The following SIGLEC1 variants were observed in gnomAD, a reference collection of about 807,000 sequenced individuals.
SIGLEC1 encodes sialoadhesin.
In SIGLEC1, 132 loss-of-function variants were observed where a neutral mutation model predicts 148.0. That is an observed-to-expected ratio of 0.89 (90% CI 0.77 to 1.03). The LOEUF is 1.03. Ranked by LOEUF, SIGLEC1 falls within the 50% of genes least tolerant of loss-of-function variation. The probability of loss-of-function intolerance (pLI) is 0.00; values close to 1 mark genes in which losing one functional copy is unlikely to be tolerated. For missense variants in SIGLEC1, 2,253 were observed against 2,271.4 expected (o/e 0.99, Z 0.16); for synonymous variants, 945 against 969.0 (o/e 0.98, Z 0.46).
chr20:3,693,111 G>A lies in SIGLEC1; in HGVS notation c.3529C>T (p.Leu1177=). The change falls in exon 15 of 22, where the codon CTG becomes TTG. Residue 1177 remains leucine (L), a synonymous_variant. Transcript: ENST00000344754. The part of the protein sequence containing the change: ...DVLYAPRNLR[L]TYLLESHGGQ... ...CCATGGCTCTCCAGGAGGTAGGTCAGGCGCAGGTTGCGGGGCGCGTCTGCA... is the reference window on the plus strand; with the variant it reads ...CCATGGCTCTCCAGGAGGTAGGTCAAGCGCAGGTTGCGGGGCGCGTCTGCA... 1.3e-6 allele frequency: 2 copies of A among 1,575,818 alleles called. No individual in the cohort carries two copies. The highest frequency in any genetic ancestry group is 1.7e-6 in the Non-Finnish European group (2 of 1,164,736).
rs200543891 is a variant in SIGLEC1 at position 3,692,884 on chromosome 20, C to T, written c.3756G>A (p.Thr1252=). 105 of 1,610,858 alleles carry T rather than the reference C, an allele frequency of 6.5e-5. No homozygotes were observed. Among genetic ancestry groups the T allele is most frequent in the Middle Eastern group, 1.7e-4 (1 of 6,058 alleles). The change falls in exon 15 of 22, where the codon ACG becomes ACA. Residue 1252 remains threonine (T), a synonymous_variant. Transcript: ENST00000344754. ...TACCCTCCAGCCGCAGCTCCAGGGA[C>T]GTGTTGGCCTGGCCCAGAGGGCTGC... ...SARSPLGQAN[T]SLELRLEGVR... is the part of the protein sequence containing the mutation.
In SIGLEC1 at chr20:3,688,215, G is replaced by C. The variant is rs964777282; in HGVS notation, c.*345C>G. ...TGAGCCTCTGAGGATGCAGGATGCT[G>C]CAATCCAACCAAAGTCCAGGGTGAC... is the stretch of plus-strand genomic sequence containing the variant. On this transcript the variant is annotated 3_prime_UTR_variant, in exon 22 of 22. Transcript: ENST00000344754. 2 of 359,504 alleles carry C rather than the reference G, an allele frequency of 5.6e-6. No homozygotes were observed. Among genetic ancestry groups the C allele is most frequent in the Admixed American group, 8.6e-5 (2 of 23,348 alleles). The allele number at this position is 359,504 out of a possible 1,614,324, so 22.3% of individuals were successfully genotyped here. A position where few individuals can be genotyped will look rare whatever the true frequency, so the allele number is the denominator to read the frequency against.
intron 11 of SIGLEC1, among the ~76,000 whole-genome samples, 173 bp from the exon 12 acceptor site, chr20:3,695,096 C>T (rs1433797745): frequency 6.6e-6 from 1 of 152,212 alleles, no homozygotes; most frequent in Non-Finnish European, 1.5e-5. Flanking sequence ...CCTCCTGCTC[C>T]CCACTCTCCT....
chr20:3,707,033 A>C (rs1015110714), intron 2 of SIGLEC1, 47 bp downstream of exon 2: 3 of 1,587,758 alleles, frequency 1.9e-6, no homozygotes, highest in Non-Finnish European at 2.6e-6. Context: ...GGCTGGACTT[A>C]TGAAGGCTGG....
In SIGLEC1 at chr20:3,696,899, A is replaced by G; in HGVS notation, c.2381-11T>C. On this transcript the variant is annotated splice_polypyrimidine_tract_variant and intron_variant, in intron 10 of 21. Transcript: ENST00000344754. ...GACGGTCCGGGGGATCTGCAGGAAC[A>G]GAGGGAGCTGAGGCCACCCAGCCTA... 1.3e-6 allele frequency: 2 copies of G among 1,544,094 alleles called. No homozygotes were observed. Among genetic ancestry groups the G allele is most frequent in the Non-Finnish European group, 1.7e-6 (2 of 1,148,022 alleles).
chr20:3,694,557 G>A (rs368847254), intron 12 of SIGLEC1, 25 bp from the exon 13 acceptor site: 111 of 1,557,372 alleles, frequency 7.1e-5, no homozygotes, highest in Admixed American at 1.8e-5. Context: ...GAGTGGTCAG[G>A]ACCCAGCCAG....
At chr20:3,711,740 A>G (rs1478086639) in intron 1 of SIGLEC1, among the ~76,000 whole-genome samples, 1 of 152,260 alleles carries the variant, frequency 6.6e-6, no homozygotes, top group African/African-American at 2.4e-5. Flanking sequence ...CATGGGCAGT[A>G]GAAATTTCAC....
chr20:3,706,662 CA>C lies in SIGLEC1; in HGVS notation c.93del (p.Val32Ter). On this transcript the variant is annotated frameshift_variant, in exon 3 of 22. Coordinates refer to ENST00000344754, the MANE Select transcript of SIGLEC1 (RefSeq NM_023068.4). LOFTEE classifies it high-confidence loss of function. ...GGGATAAGCAGGCAAGACCCCTTCA[CA>C]CCCTGCACGTCCTGGGGACTGGAGA... ...WGVSSPQDVQ[G>X]VKGSCLLIPC... 1 of 1,563,856 alleles carries C rather than the reference CA, an allele frequency of 6.4e-7. No homozygotes were observed.
At position 3,703,298 on chromosome 20, in the gene SIGLEC1, C is replaced by T. The variant is rs771244528; in HGVS notation, c.1127G>A (p.Arg376Gln). 71 of 1,614,034 alleles carry T rather than the reference C, an allele frequency of 4.4e-5. No homozygotes were observed. Among genetic ancestry groups the T allele is most frequent in the Non-Finnish European group, 5.4e-5 (64 of 1,180,022 alleles). ...ATCAGCCCTAGTGGCCAAGTGCAGC[C>T]GGAGGGTATGGGAGTGGGCATCCTC... Reference protein sequence around the residue: ...LLEDAHSHTLRLHLATRADTG... With the variant: ...LLEDAHSHTLQLHLATRADTG... Residue 376 changes from arginine to glutamine, a missense_variant, in exon 6 of 22, where the codon CGG becomes CAG. Physicochemically the swap from Arg to Gln is conservative, Grantham distance 43. Transcript: ENST00000344754.
chr20:3,691,431 G>T lies in SIGLEC1; in HGVS notation c.4500C>A (p.His1500Gln). The change falls in exon 18 of 22, where the codon CAC (histidine) becomes CAA (glutamine). Residue 1500 changes from histidine (H) to glutamine (Q), a missense_variant. By Grantham distance (24) the His-to-Gln change is conservative (BLOSUM62 0). Transcript: ENST00000344754. ...AEPVPTLAFTHVARAQAGMYH... is the reference protein window; with the variant it reads ...AEPVPTLAFTQVARAQAGMYH... ...ACATCCCAGCTTGAGCACGAGCCAC[G>T]TGGGTGAAGGCGAGAGTGGGCACAG... 1 of 1,613,302 alleles carries T rather than the reference G, an allele frequency of 6.2e-7. No homozygotes were observed. The highest frequency in any genetic ancestry group is 1.3e-5 in the African/African-American group (1 of 75,076).
In SIGLEC1 at chr20:3,705,807, G is replaced by T; in HGVS notation, c.643C>A (p.Leu215Met). 2 of 1,613,974 alleles carry T rather than the reference G, an allele frequency of 1.2e-6. No homozygotes were observed. The highest frequency in any genetic ancestry group is 2.2e-5 in the South Asian group (2 of 91,080). ...AMSWQDHGRI[L>M]RCQLSVANHR... ...TTGGCCACGGAGAGCTGGCAGCGCA[G>T]GATCCGGCCGTGGTCCTGCCAGGAC... The change falls in exon 4 of 22, where the codon CTG (leucine) becomes ATG (methionine). Residue 215 changes from leucine to methionine, a missense_variant. Leu to Met is a conservative substitution (Grantham distance 15). Coordinates refer to ENST00000344754, the MANE Select transcript of SIGLEC1 (RefSeq NM_023068.4).
chr20:3,694,413 G>T lies in SIGLEC1; in HGVS notation c.3064C>A (p.Arg1022Ser). The T allele has an allele frequency of 6.2e-7, 1 of 1,612,674 alleles. No individual in the cohort carries two copies. The highest frequency in any genetic ancestry group is 8.5e-7 in the Non-Finnish European group (1 of 1,179,498). The change falls in exon 13 of 22, where the codon CGC (arginine) becomes AGC (serine). Residue 1022 changes from arginine (R) to serine (S), a missense_variant. Physicochemically the swap from Arg to Ser is moderately radical, Grantham distance 110. Coordinates refer to ENST00000344754, the MANE Select transcript of SIGLEC1 (RefSeq NM_023068.4). ...CCTTGTAGGGTGGAGGCCACAAGGC[G>T]ATCCCCGTGGAGCAGCCGCAGCTGG... The part of the protein sequence containing the change: ...PAQLRLLHGD[R>S]LVASTLQGVG...
At chr20:3,702,134 G>A (rs1010101481) in intron 6 of SIGLEC1, among the ~76,000 whole-genome samples, 1 of 152,176 alleles carries the variant, frequency 6.6e-6, no homozygotes, top group Non-Finnish European at 1.5e-5. Context: ...GACAAGGAAA[G>A]ACTGAGGAAC....
chr20:3,709,048 A>G (rs1055968790), intron 1 of SIGLEC1, among the ~76,000 whole-genome samples: 6 of 148,542 alleles, frequency 4.0e-5, no homozygotes, highest in African/African-American at 1.5e-4. Context: ...TTCTGTCTCA[A>G]AAAAAAAAAA....
Position 3,694,323 on chromosome 20 carries a change from G to A in SIGLEC1, c.3154C>T (p.Leu1052=), listed in dbSNP as rs778303581. Reference sequence around the variant, plus strand: ...TCCAGCATAGCCCCGTGGATCTCCAGACGCAGTGTGTTGGGGGCCACAGCC... The same window carrying A: ...TCCAGCATAGCCCCGTGGATCTCCAAACGCAGTGTGTTGGGGGCCACAGCC... ...HVAVAPNTLR[L]EIHGAMLEDE... is the part of the protein sequence containing the mutation. Residue 1052 remains leucine (L), a synonymous_variant, in exon 13 of 22, where the codon CTG becomes TTG. Transcript: ENST00000344754. The A allele has an allele frequency of 1.9e-6, 3 of 1,613,072 alleles. No individual in the cohort carries two copies. The highest frequency in any genetic ancestry group is 1.3e-5 in the African/African-American group (1 of 74,916).
At chr20:3,708,153 A>G (rs2087908860) in intron 1 of SIGLEC1, among the ~76,000 whole-genome samples, 1 of 152,146 alleles carries the variant, frequency 6.6e-6, no homozygotes. Context: ...GGAGGTGGCA[A>G]GGCAAGTCTA....
chr20:3,689,874 C>A, intron 19 of SIGLEC1, 88 bp downstream of exon 19: 1 of 1,248,612 alleles, frequency 8.0e-7, no homozygotes, highest in Admixed American at 2.0e-5. Flanking sequence ...CATGCTGCAG[C>A]AGGAGGGATA....
chr20:3,698,472 G>A (rs1158906180), intron 8 of SIGLEC1, among the ~76,000 whole-genome samples: 1 of 152,314 alleles, frequency 6.6e-6, no homozygotes, highest in South Asian at 2.1e-4. Context: ...AATCCCTGGG[G>A]GTCATGCTGT....
Position 3,690,007 on chromosome 20 carries a change from T to C in SIGLEC1, c.4849A>G (p.Asn1617Asp). The change falls in exon 19 of 22, where the codon AAT becomes GAT. Residue 1617 changes from asparagine (N) to aspartate (D), a missense_variant. Physicochemically the swap from Asn to Asp is conservative, Grantham distance 23. Coordinates refer to ENST00000344754, the MANE Select transcript of SIGLEC1 (RefSeq NM_023068.4). Reference sequence around the variant, plus strand: ...GAGGTAGAGGCAGAGCCCAGGACATTTGAGGCAGAACAGATGTATTCCCCT... The same window carrying C: ...GAGGTAGAGGCAGAGCCCAGGACATCTGAGGCAGAACAGATGTATTCCCCT... ...DQGEYICSAS[N>D]VLGSASTSTY... 6.2e-7 allele frequency: 1 copy of C among 1,613,182 alleles called. No homozygotes were observed. The highest frequency in any genetic ancestry group is 8.5e-7 in the Non-Finnish European group (1 of 1,179,866).
Sources: gnomAD v4.1 joint callset for allele counts (sites outside exome capture counted in the v4.1 genomes callset) on GRCh38, gnomAD v4.1.1 for gene constraint, MANE v1.5 for transcripts, NCBI Gene and HGNC (gene_info 2026-07-23, HGNC 2026-07-21) for gene names.